Variants in FOXP2 observed in about 807,000 individuals in gnomAD.
The protein encoded by FOXP2 is forkhead box protein P2.
FOXP2 carries 12 observed loss-of-function variants against 115.8 expected under a neutral mutation model. That is an observed-to-expected ratio of 0.10 (90% confidence interval 0.07 to 0.17). FOXP2 has a LOEUF of 0.17. FOXP2 is among the 10% of genes least tolerant of loss of function. FOXP2 has a pLI of 1.00. For synonymous variants in FOXP2, 328 were observed against 297.7 expected (o/e 1.10, Z -1.05); for missense variants, 629 against 843.5 (o/e 0.75, Z 3.15).
At chr7:114,491,481 C>A (rs1797051036) in intron 2 of FOXP2, among the ~76,000 whole-genome samples, 1 of 151,706 alleles carries the variant, frequency 6.6e-6, no homozygotes, top group South Asian at 2.1e-4. Flanking sequence ...ATGGTAGTTT[C>A]TTTTGCTGTG....
At chr7:114,673,261 A>G (rs1016656325) in intron 16 of FOXP2, among the ~76,000 whole-genome samples, 4 of 152,204 alleles carry the variant, frequency 2.6e-5, no homozygotes, top group African/African-American at 9.6e-5. Flanking sequence ...GATAGTTTTC[A>G]TTTATGAGAC....
intron 3 of FOXP2, among the ~76,000 whole-genome samples, chr7:114,624,889 A>G (rs1272233878): frequency 6.6e-6 from 1 of 151,478 alleles, no homozygotes; most frequent in Non-Finnish European, 1.5e-5. Flanking sequence ...TATTAATTGT[A>G]ATACACTTAC....
At chr7:114,268,539 T>C (rs1323839974) in intron 1 of FOXP2, among the ~76,000 whole-genome samples, 1 of 152,192 alleles carries the variant, frequency 6.6e-6, no homozygotes, top group Admixed American at 6.5e-5. Context: ...TGTAATATAG[T>C]GTCTTAAGCA....
At chr7:114,374,921 A>G (rs1792105128) in intron 2 of FOXP2, among the ~76,000 whole-genome samples, 1 of 152,172 alleles carries the variant, frequency 6.6e-6, no homozygotes, top group Non-Finnish European at 1.5e-5. Flanking sequence ...GAGAGTTTCC[A>G]TAGAGGAAGG....
chr7:114,503,592 ATTTT>A (rs937093712), intron 2 of FOXP2, among the ~76,000 whole-genome samples: 37 of 150,794 alleles, frequency 2.5e-4, no homozygotes, highest in African/African-American at 8.9e-4. Flanking sequence ...AATATAATTT[ATTTT>A]GTTGGAATTA....
intron 1 of FOXP2, among the ~76,000 whole-genome samples, chr7:114,277,353 T>G (rs1443601500): frequency 6.6e-6 from 1 of 152,076 alleles, no homozygotes; most frequent in African/African-American, 2.4e-5. Context: ...ACTGTGAGAG[T>G]GGGGTTTGGA....
chr7:114,659,526 T>G (rs1445116650), intron 12 of FOXP2, 46 bp from the exon 13 acceptor site: 2 of 1,586,318 alleles, frequency 1.3e-6, no homozygotes, highest in African/African-American at 2.7e-5. Flanking sequence ...CTAGTCTAGT[T>G]AGTAAACCAT....
chr7:114,091,237 A>G (rs1799536904), intron 1 of FOXP2, among the ~76,000 whole-genome samples: 1 of 151,864 alleles, frequency 6.6e-6, no homozygotes, highest in Non-Finnish European at 1.5e-5. Flanking sequence ...GTGGTGAAGC[A>G]TAAAGAAATA....
intron 2 of FOXP2, among the ~76,000 whole-genome samples, chr7:114,429,818 G>A (rs1043546204): frequency 1.5e-4 from 22 of 151,504 alleles, no homozygotes; most frequent in Non-Finnish European, 1.3e-4. Flanking sequence ...CCATTTAAAA[G>A]CTAGAATCCA....
intron 2 of FOXP2, among the ~76,000 whole-genome samples, chr7:114,437,438 C>T (rs1334774374): frequency 6.6e-6 from 1 of 152,062 alleles, no homozygotes; most frequent in African/African-American, 2.4e-5. Flanking sequence ...GGAAATATTA[C>T]TTTTTTCCTT....
In FOXP2 at chr7:114,349,456, T is replaced by C. The variant is rs906144093; in HGVS notation, c.-11+61347T>C. Among the ~76,000 whole-genome samples, 6 of 152,142 alleles carry C rather than the reference T, an allele frequency of 3.9e-5. No individual in the cohort carries two copies. The South Asian group carries it at 8.3e-4, about 21-fold the overall frequency. ...GAAGGAGGAAAATATCCAGAGCCAGTATTTTAATTCCTATGCTATCTTCCC... is the reference window on the plus strand; with the variant it reads ...GAAGGAGGAAAATATCCAGAGCCAGCATTTTAATTCCTATGCTATCTTCCC... On this transcript the variant is annotated intron_variant, in intron 2 of 17. Coordinates refer to the FOXP2 transcript ENST00000634411.
intron 7 of FOXP2, among the ~76,000 whole-genome samples, 164 bp downstream of exon 7, chr7:114,642,787 TA>T (rs1381085942): frequency 1.2e-5 from 1 of 83,244 alleles, no homozygotes; most frequent in African/African-American, 6.3e-5. Context: ...ATAATATATA[TA>T]TATATATATA....
At chr7:114,222,958 T>C (rs924243509) in intron 1 of FOXP2, among the ~76,000 whole-genome samples, 8 of 152,252 alleles carry the variant, frequency 5.3e-5, no homozygotes, top group African/African-American at 1.9e-4. Flanking sequence ...AGGTTTACTA[T>C]TTATTATTAC....
At chr7:114,530,383 T>C (rs1799083664) in intron 2 of FOXP2, among the ~76,000 whole-genome samples, 1 of 151,932 alleles carries the variant, frequency 6.6e-6, no homozygotes, top group East Asian at 1.9e-4. Context: ...GTGCTGTTTA[T>C]ACATTGAAGA....
At chr7:114,140,066 T>C (rs959287018) in intron 1 of FOXP2, among the ~76,000 whole-genome samples, 2 of 152,038 alleles carry the variant, frequency 1.3e-5, no homozygotes, top group African/African-American at 4.8e-5. Flanking sequence ...TGAGCTGAGA[T>C]CGCGCCACTG....
chr7:114,217,711 G>T (rs1159260436), intron 1 of FOXP2, among the ~76,000 whole-genome samples: 1 of 152,128 alleles, frequency 6.6e-6, no homozygotes, highest in Non-Finnish European at 1.5e-5. Flanking sequence ...CACAATTCCT[G>T]CTAATTAGAG....
At position 114,692,353 on chromosome 7, in the gene FOXP2, A is replaced by T. The variant is rs898725544; in HGVS notation, c.*2427A>T. The T allele has an allele frequency of 4.4e-6, 2 of 453,842 alleles. No individual in the cohort carries two copies. Among genetic ancestry groups the T allele is most frequent in the African/African-American group, 2.0e-5 (1 of 49,988 alleles). The allele number at this position is 453,842 out of a possible 1,614,324, so 28.1% of individuals were successfully genotyped here. A position where few individuals can be genotyped will look rare whatever the true frequency, so the allele number is the denominator to read the frequency against. ...ATGGGTTTTATATGAATACAATTTT[A>T]AAAAATAGCTGCTTGCACATTATAC... is the stretch of plus-strand genomic sequence containing the variant. On this transcript the variant is annotated 3_prime_UTR_variant, in exon 17 of 17. Coordinates refer to ENST00000350908, the MANE Select transcript of FOXP2 (RefSeq NM_014491.4).
At chr7:114,482,449 T>A (rs1796599608) in intron 2 of FOXP2, among the ~76,000 whole-genome samples, 1 of 151,644 alleles carries the variant, frequency 6.6e-6, no homozygotes, top group South Asian at 2.1e-4. Context: ...AATTTGACCC[T>A]TCCTGCTTTG....
chr7:114,260,800 A>G (rs146253120), intron 1 of FOXP2, among the ~76,000 whole-genome samples: 1 of 152,266 alleles, frequency 6.6e-6, no homozygotes, highest in East Asian at 1.9e-4. Context: ...GCTAGTGAAT[A>G]TCTTAGTGGT....
Sources: allele counts gnomAD v4.1 joint callset (sites outside exome capture counted in the v4.1 genomes callset), GRCh38; gene constraint gnomAD v4.1.1; transcripts MANE v1.5; gene names NCBI Gene and HGNC (gene_info 2026-07-23, HGNC 2026-07-21).